Variants in LMO2 observed in about 807,000 individuals in gnomAD.
LMO2 encodes the protein LIM domain only 2.
In LMO2, 20 loss-of-function variants were observed where a neutral mutation model predicts 23.2. The ratio of observed to expected loss-of-function variants is 0.86; its 90% CI spans 0.61 to 1.25. The LOEUF (loss-of-function observed/expected upper bound fraction) is 1.25. Among genes scored for constraint, LMO2 ranks in the 50% most tolerant of loss-of-function variants. The pLI is 0.00. For synonymous variants in LMO2, 123 were observed against 130.2 expected (o/e 0.94, Z 0.38); for missense variants, 270 against 315.3 (o/e 0.86, Z 1.09).
At chr11:33,862,561 C>G (rs186663249) in intron 5 of LMO2, among the ~76,000 whole-genome samples, 1 of 152,008 alleles carries the variant, frequency 6.6e-6, no homozygotes, top group East Asian at 1.9e-4. Flanking sequence ...AGAACTGTAA[C>G]AGGCAACTCA....
At chr11:33,861,221 T>C (rs960620603) in intron 5 of LMO2, among the ~76,000 whole-genome samples, 3 of 152,250 alleles carry the variant, frequency 2.0e-5, no homozygotes, top group Non-Finnish European at 4.4e-5. Context: ...AAACATAGCA[T>C]GTTAGCAGGT....
At chr11:33,877,461 C>CTTTTTTTT (rs398015741) in intron 2 of LMO2, among the ~76,000 whole-genome samples, 2 of 104,416 alleles carry the variant, frequency 1.9e-5, no homozygotes, top group Non-Finnish European at 3.7e-5. Context: ...TCTCCAGATT[C>CTTTTTTTT]TTTTTTTTTT....
chr11:33,862,248 A>C (rs980647907), intron 5 of LMO2, among the ~76,000 whole-genome samples: 1 of 152,200 alleles, frequency 6.6e-6, no homozygotes, highest in Non-Finnish European at 1.5e-5. Flanking sequence ...GGCTCCAGGC[A>C]AGGCTGCGGG....
intron 1 of LMO2, 83 bp from the exon 2 acceptor site, chr11:33,881,970 C>A (rs188876157): frequency 6.5e-6 from 1 of 152,826 alleles, no homozygotes; most frequent in Non-Finnish European, 1.5e-5. Context: ...TTCTTATCTT[C>A]AGTTAGAGAA....
intron 2 of LMO2, chr11:33,881,611 A>G: frequency 2.8e-6 from 1 of 353,992 alleles, no homozygotes; most frequent in South Asian, 2.1e-5. Context: ...TCTCAGCTCA[A>G]ATATGTATGC....
At chr11:33,870,780 A>G (rs956239402) in intron 2 of LMO2, among the ~76,000 whole-genome samples, 4 of 149,750 alleles carry the variant, frequency 2.7e-5, no homozygotes, top group Non-Finnish European at 2.9e-5. Context: ...GAACAGGATC[A>G]GAGAGATTAT....
At chr11:33,874,644 C>T (rs879620704) in intron 2 of LMO2, among the ~76,000 whole-genome samples, 1 of 152,246 alleles carries the variant, frequency 6.6e-6, no homozygotes, top group Non-Finnish European at 1.5e-5. Context: ...CCAATCAGGA[C>T]ATCCACCAAA....
At chr11:33,887,846 T>G (rs1435218238) in intron 1 of LMO2, among the ~76,000 whole-genome samples, 1 of 152,154 alleles carries the variant, frequency 6.6e-6, no homozygotes, top group Non-Finnish European at 1.5e-5. Flanking sequence ...AGTGATGGGA[T>G]TACAGGTGTG....
intron 1 of LMO2, among the ~76,000 whole-genome samples, chr11:33,891,442 C>CT (rs1565040172): frequency 6.6e-6 from 1 of 151,936 alleles, no homozygotes; most frequent in African/African-American, 2.4e-5. Context: ...ACAAGCCTCT[C>CT]TTTTGGATCA....
At chr11:33,861,800 A>G (rs897931848) in intron 5 of LMO2, among the ~76,000 whole-genome samples, 1 of 152,184 alleles carries the variant, frequency 6.6e-6, no homozygotes, top group Non-Finnish European at 1.5e-5. Context: ...GAAGGGAAGG[A>G]CAAAGGACGA....
chr11:33,869,855 C>A lies in LMO2; in HGVS notation c.-139G>T, dbSNP rs937089051. 23 of 1,058,426 alleles carry A rather than the reference C, an allele frequency of 2.2e-5. No homozygotes were observed. The highest frequency in any genetic ancestry group is 1.0e-4 in the African/African-American group (6 of 58,960). The allele number at this position is 1,058,426 out of a possible 1,614,324, so 65.6% of individuals were successfully genotyped here. ...GCCCGGGTCGCGGCGCGCTGCTCGC[C>A]GCCGAGGGCAGAGAGGGGGCGGCGG... On this transcript the variant is annotated 5_prime_UTR_variant, in exon 3 of 6. Transcript: ENST00000257818.
intron 5 of LMO2, among the ~76,000 whole-genome samples, chr11:33,860,310 A>C (rs915250887): frequency 3.3e-5 from 5 of 152,204 alleles, no homozygotes; most frequent in African/African-American, 1.2e-4. Context: ...TCTGACATTT[A>C]AATCAAGACT....
At chr11:33,868,835 A>G (rs1445856695) in intron 4 of LMO2, among the ~76,000 whole-genome samples, 4 of 152,054 alleles carry the variant, frequency 2.6e-5, no homozygotes, top group Non-Finnish European at 5.9e-5. Flanking sequence ...CGGACCCCTC[A>G]CCCGCCCGTT....
intron 1 of LMO2, among the ~76,000 whole-genome samples, chr11:33,885,815 G>A (rs1050663574): frequency 1.3e-5 from 2 of 152,114 alleles, no homozygotes; most frequent in Non-Finnish European, 1.5e-5. Flanking sequence ...CCTCCAGGAT[G>A]CAGTGGTTGG....
intron 2 of LMO2, among the ~76,000 whole-genome samples, chr11:33,874,790 C>T (rs1318202450): frequency 6.6e-6 from 1 of 152,246 alleles, no homozygotes; most frequent in Non-Finnish European, 1.5e-5. Context: ...TTCTCTGCTA[C>T]ACTGCTACAC....
At chr11:33,865,189 C>T (rs897493613) in intron 4 of LMO2, 1 of 337,830 alleles carries the variant, frequency 3.0e-6, no homozygotes, top group African/African-American at 2.1e-5. Context: ...CCCTCATTTT[C>T]CTCCTCCCAT....
At chr11:33,881,696 G>C in intron 2 of LMO2, 128 bp downstream of exon 2, 1 of 310,238 alleles carries the variant, frequency 3.2e-6, no homozygotes, top group South Asian at 2.7e-5. Flanking sequence ...CTTCCCCAAA[G>C]ACCTCAAGCT....
rs182087811 is a variant in LMO2 at position 33,873,088 on chromosome 11, G to A, written c.-271-3101C>T. Among the ~76,000 whole-genome samples, 615 of 152,124 alleles carry A rather than the reference G, an allele frequency of 4.0e-3. 8 individuals carry two copies. Among genetic ancestry groups the A allele is most frequent in the African/African-American group, 0.014 (587 of 41,514 alleles). On this transcript the variant is annotated intron_variant, in intron 2 of 5. Coordinates refer to ENST00000257818, the MANE Select transcript of LMO2 (RefSeq NM_005574.4). ...ACATCTGCTTGTTTTTATTTAATCT[G>A]ATAAATTATTACTTTCCTTGTCACA... is the stretch of plus-strand genomic sequence containing the variant.
At chr11:33,862,047 T>G (rs1036217310) in intron 5 of LMO2, among the ~76,000 whole-genome samples, 4 of 152,208 alleles carry the variant, frequency 2.6e-5, no homozygotes, top group African/African-American at 7.2e-5. Context: ...AATTGGTATC[T>G]TAGGCTGGAT....
Sources: allele counts gnomAD v4.1 joint callset (sites outside exome capture counted in the v4.1 genomes callset), GRCh38; gene constraint gnomAD v4.1.1; transcripts MANE v1.5; gene names NCBI Gene and HGNC (gene_info 2026-07-23, HGNC 2026-07-21).